Variants in SATB2 observed in about 807,000 individuals in gnomAD.
SATB2 encodes DNA-binding protein SATB2.
A neutral mutation model predicts 73.4 loss-of-function variants in SATB2; 1 was observed. The ratio of observed to expected loss-of-function variants is 0.01; its 90% CI spans 0.00 to 0.06. The LOEUF (loss-of-function observed/expected upper bound fraction) is 0.06. SATB2 is among the 10% of genes least tolerant of loss of function. The probability of loss-of-function intolerance (pLI) is 1.00; values close to 1 mark genes in which losing one functional copy is unlikely to be tolerated. For missense variants in SATB2, 459 were observed against 945.8 expected, an observed-to-expected ratio of 0.49 and a Z score of 6.75; for synonymous variants, 397 against 367.0, an observed-to-expected ratio of 1.08 and a Z score of -0.93.
chr2:199,465,258 C>T (rs1692571056), upstream of SATB2: 1 of 152,168 alleles, frequency 6.6e-6, no homozygotes, highest in Non-Finnish European at 1.5e-5. Flanking sequence ...GAAGAGTTTT[C>T]AAAGGTGAAC....
chr2:199,372,059 A>C (rs1293133958), intron 5 of SATB2, among the ~76,000 whole-genome samples: 1 of 152,186 alleles, frequency 6.6e-6, no homozygotes, highest in Non-Finnish European at 1.5e-5. Flanking sequence ...CCACAGACAA[A>C]GCTAATTTAT....
chr2:199,396,593 G>A (rs1400492857), intron 3 of SATB2: 1 of 152,154 alleles, frequency 6.6e-6, no homozygotes, highest in Admixed American at 6.5e-5. Context: ...CCTCAGAGAG[G>A]AGCCAAGTGA....
chr2:199,393,888 GA>G (rs987862189), intron 3 of SATB2, among the ~76,000 whole-genome samples: 2 of 149,816 alleles, frequency 1.3e-5, no homozygotes, highest in African/African-American at 4.9e-5. Flanking sequence ...CAGATCAACC[GA>G]AAAAAAAATA....
At chr2:199,446,494 C>T (rs1309939758) in intron 2 of SATB2, among the ~76,000 whole-genome samples, 5 of 151,476 alleles carry the variant, frequency 3.3e-5, no homozygotes, top group African/African-American at 1.2e-4. Context: ...AAAAAAAAAC[C>T]AAAACACTTT....
chr2:199,427,027 G>A (rs1251112724), intron 3 of SATB2, among the ~76,000 whole-genome samples: 1 of 151,990 alleles, frequency 6.6e-6, no homozygotes, highest in Non-Finnish European at 1.5e-5. Flanking sequence ...ATAGGCACCT[G>A]CCACCATGCC....
At chr2:199,359,566 A>G (rs1293726350) in intron 6 of SATB2, among the ~76,000 whole-genome samples, 2 of 152,212 alleles carry the variant, frequency 1.3e-5, no homozygotes, top group Non-Finnish European at 2.9e-5. Flanking sequence ...ATGTGTAAAA[A>G]TAAAACTGTT....
intron 8 of SATB2, chr2:199,325,939 A>G (rs1026062042): frequency 2.0e-5 from 3 of 152,196 alleles, no homozygotes; most frequent in Non-Finnish European, 2.9e-5. Context: ...CTGAAGAAAT[A>G]AAAAGAGACT....
At chr2:199,299,967 T>A (rs921184029) in intron 10 of SATB2, among the ~76,000 whole-genome samples, 2 of 152,138 alleles carry the variant, frequency 1.3e-5, no homozygotes, top group Admixed American at 1.3e-4. Context: ...TTGTTGTTGT[T>A]TTTTGTGGGT....
intron 6 of SATB2, among the ~76,000 whole-genome samples, chr2:199,353,627 G>A (rs557209332): frequency 2.0e-5 from 3 of 152,076 alleles, no homozygotes; most frequent in South Asian, 2.1e-4. Context: ...GAGCCTGAGC[G>A]TTCTTTCTTT....
chr2:199,452,548 T>C (rs1006074094), intron 2 of SATB2, among the ~76,000 whole-genome samples: 1 of 152,170 alleles, frequency 6.6e-6, no homozygotes, highest in Non-Finnish European at 1.5e-5. Context: ...AATCTTCAAA[T>C]AGATCTGTAA....
At chr2:199,278,229 A>T (rs1366138073) in intron 10 of SATB2, among the ~76,000 whole-genome samples, 1 of 152,194 alleles carries the variant, frequency 6.6e-6, no homozygotes, top group Non-Finnish European at 1.5e-5. Flanking sequence ...AGAAAGGCAA[A>T]CAAAAAGGCT....
intron 3 of SATB2, among the ~76,000 whole-genome samples, chr2:199,412,242 T>C (rs1437070222): frequency 2.0e-5 from 3 of 152,158 alleles, no homozygotes; most frequent in Non-Finnish European, 2.9e-5. Flanking sequence ...ATATAAAATA[T>C]GGTGGTAGCC....
At chr2:199,422,175 G>T (rs1339420979) in intron 3 of SATB2, among the ~76,000 whole-genome samples, 1 of 152,050 alleles carries the variant, frequency 6.6e-6, no homozygotes, top group African/African-American at 2.4e-5. Flanking sequence ...GCATACATCT[G>T]ACCTCCACTA....
chr2:199,360,120 T>A (rs188461507), intron 6 of SATB2, among the ~76,000 whole-genome samples: 1 of 152,284 alleles, frequency 6.6e-6, no homozygotes, highest in African/African-American at 2.4e-5. Flanking sequence ...TAGGTAATAA[T>A]CTTTATTTAA....
intron 7 of SATB2, among the ~76,000 whole-genome samples, chr2:199,346,142 C>A (rs1190269680): frequency 2.0e-5 from 3 of 151,594 alleles, no homozygotes; most frequent in Non-Finnish European, 4.4e-5. Context: ...ACTTATTTTT[C>A]TTTTTTTCTT....
intron 10 of SATB2, among the ~76,000 whole-genome samples, chr2:199,277,756 A>G (rs190607976): frequency 5.6e-4 from 85 of 152,294 alleles, no homozygotes; most frequent in African/African-American, 2.0e-3. Flanking sequence ...CTCATGAGAC[A>G]CACATTGACC....
At chr2:199,418,428 C>T (rs1691064074) in intron 3 of SATB2, among the ~76,000 whole-genome samples, 1 of 152,094 alleles carries the variant, frequency 6.6e-6, no homozygotes, top group African/African-American at 2.4e-5. Context: ...AGAAACTAGT[C>T]AATCAATTTG....
At chr2:199,326,549 T>A (rs1295772491) in intron 8 of SATB2, among the ~76,000 whole-genome samples, 1 of 152,168 alleles carries the variant, frequency 6.6e-6, no homozygotes, top group East Asian at 1.9e-4. Flanking sequence ...ACAAAAGAGC[T>A]GAAAACAAAT....
At chr2:199,323,687 T>G in intron 9 of SATB2, 116 bp downstream of exon 9, 1 of 1,153,484 alleles carries the variant, frequency 8.7e-7, no homozygotes, top group Non-Finnish European at 1.3e-6. Flanking sequence ...ACATGACAGG[T>G]TTCTTGGGGG....
Sources: allele counts gnomAD v4.1 joint callset (sites outside exome capture counted in the v4.1 genomes callset), GRCh38; gene constraint gnomAD v4.1.1; transcripts MANE v1.5; gene names NCBI Gene and HGNC (gene_info 2026-07-23, HGNC 2026-07-21).